Variants in AKAP7 observed in about 807,000 individuals in gnomAD.
AKAP7 encodes A kinase (PRKA) anchor protein 7.
AKAP7 carries 39 observed loss-of-function variants against 39.5 expected under a neutral mutation model. The ratio of observed to expected loss-of-function variants is 0.99; its 90% CI spans 0.76 to 1.29. The LOEUF (loss-of-function observed/expected upper bound fraction) is 1.29. Among genes scored for constraint, AKAP7 ranks in the 50% most tolerant of loss-of-function variants. The pLI, the probability that AKAP7 is intolerant of heterozygous loss-of-function variation, is 0.00. For missense variants in AKAP7, 414 were observed against 407.7 expected (o/e 1.02, Z -0.13); for synonymous variants, 140 against 139.1 (o/e 1.01, Z -0.05).
At chr6:131,240,289 C>T (rs1289120904) in intron 7 of AKAP7, among the ~76,000 whole-genome samples, 8 of 152,172 alleles carry the variant, frequency 5.3e-5, no homozygotes, top group Admixed American at 1.3e-4. Flanking sequence ...GAGGAGTACC[C>T]GGCCGTGTGA....
intron 1 of AKAP7, among the ~76,000 whole-genome samples, chr6:131,138,588 C>A (rs1800771932): frequency 2.6e-5 from 4 of 152,160 alleles, no homozygotes; most frequent in Non-Finnish European, 5.9e-5. Context: ...GAAAGGATTG[C>A]CTCCGTTTAC....
At chr6:131,200,082 T>G (rs1265254187) in intron 6 of AKAP7, 1 of 159,764 alleles carries the variant, frequency 6.3e-6, no homozygotes, top group Non-Finnish European at 1.4e-5. Flanking sequence ...GGACTGGGCA[T>G]GAGGGTAACT....
At chr6:131,222,398 G>T (rs1205806416) in intron 7 of AKAP7, among the ~76,000 whole-genome samples, 2 of 152,014 alleles carry the variant, frequency 1.3e-5, no homozygotes, top group Non-Finnish European at 2.9e-5. Context: ...GTGGTGGCGG[G>T]CGCCTGTAGT....
intron 6 of AKAP7, 68 bp from the exon 7 acceptor site, chr6:131,219,593 G>C (rs1205711982): frequency 7.1e-7 from 1 of 1,404,898 alleles, no homozygotes; most frequent in African/African-American, 1.5e-5. Context: ...TTCAAAGAAA[G>C]TGATGTAGTT....
chr6:131,231,420 A>T (rs1421291643), intron 7 of AKAP7, among the ~76,000 whole-genome samples: 1 of 152,036 alleles, frequency 6.6e-6, no homozygotes, highest in Admixed American at 6.6e-5. Flanking sequence ...TTTCATCTCT[A>T]CTTAGACCGA....
At chr6:131,268,960 A>G (rs1814044151) in intron 7 of AKAP7, among the ~76,000 whole-genome samples, 1 of 152,220 alleles carries the variant, frequency 6.6e-6, no homozygotes, top group Admixed American at 6.5e-5. Flanking sequence ...GACATGTTTG[A>G]AACTATATTT....
chr6:131,161,588 T>C (rs1369148219), intron 3 of AKAP7, among the ~76,000 whole-genome samples: 1 of 128,282 alleles, frequency 7.8e-6, no homozygotes, highest in Non-Finnish European at 1.5e-5. Context: ...GAGGTTGCAG[T>C]GAGCCAAGGT....
intron 4 of AKAP7, 43 bp downstream of exon 4, chr6:131,165,260 A>G: frequency 6.8e-7 from 1 of 1,468,066 alleles, no homozygotes; most frequent in Non-Finnish European, 9.4e-7. Context: ...CCAAATTATT[A>G]CTTTAATATG....
rs150573204 is a variant in AKAP7 at position 131,253,351 on chromosome 6, T to C, written c.851-28179T>C. On this transcript the variant is annotated intron_variant, in intron 7 of 7. Transcript: ENST00000431975. ...AATTTGAATTGATACATAATCGTTG[T>C]ACATATTTATGGGGCATGTGATATT... Among the ~76,000 whole-genome samples, 1,106 of 152,296 alleles carry C rather than the reference T, an allele frequency of 7.3e-3. 9 individuals are homozygous for C. Among genetic ancestry groups the C allele is most frequent in the African/African-American group, 0.026 (1,064 of 41,560 alleles).
chr6:131,188,568 C>T (rs2128268333), intron 5 of AKAP7, among the ~76,000 whole-genome samples: 1 of 152,222 alleles, frequency 6.6e-6, no homozygotes, highest in East Asian at 1.9e-4. Context: ...GACCGTGTAT[C>T]ACTCTGTCAC....
chr6:131,274,276 C>T (rs1814560188), intron 7 of AKAP7, among the ~76,000 whole-genome samples: 1 of 152,084 alleles, frequency 6.6e-6, no homozygotes, highest in African/African-American at 2.4e-5. Flanking sequence ...CTTTGAGTTT[C>T]TCGATTTGAG....
intron 3 of AKAP7, among the ~76,000 whole-genome samples, chr6:131,161,260 A>G (rs1404759080): frequency 1.3e-5 from 2 of 152,192 alleles, no homozygotes; most frequent in South Asian, 2.1e-4. Flanking sequence ...TTACCTAGCC[A>G]TATAAGATTT....
the AKAP7 span, among the ~76,000 whole-genome samples, chr6:131,126,912 CTGGG>C: frequency 2.0e-5 from 3 of 152,110 alleles, no homozygotes; most frequent in Non-Finnish European, 4.4e-5. Context: ...AAATAATTCA[CTGGG>C]ACTTAGTACA....
At chr6:131,270,942 T>G (rs1219573298) in intron 7 of AKAP7, among the ~76,000 whole-genome samples, 2 of 152,228 alleles carry the variant, frequency 1.3e-5, no homozygotes, top group African/African-American at 2.4e-5. Flanking sequence ...TGTTAAGTAG[T>G]AAGAGTTCTT....
intron 7 of AKAP7, among the ~76,000 whole-genome samples, chr6:131,271,934 T>C (rs1814321343): frequency 6.6e-6 from 1 of 152,178 alleles, no homozygotes; most frequent in African/African-American, 2.4e-5. Flanking sequence ...AAATTACATA[T>C]AGTTCCAGTG....
At chr6:131,147,876 T>C (rs917521364) in intron 2 of AKAP7, among the ~76,000 whole-genome samples, 4 of 152,320 alleles carry the variant, frequency 2.6e-5, no homozygotes, top group Middle Eastern at 3.4e-3. Context: ...AGCTTACATA[T>C]ATCTAATGTA....
intron 7 of AKAP7, among the ~76,000 whole-genome samples, chr6:131,223,304 C>T (rs1221951483): frequency 6.6e-6 from 1 of 152,148 alleles, no homozygotes; most frequent in Non-Finnish European, 1.5e-5. Context: ...TCCAAATCAG[C>T]TGGAAGAACA....
At chr6:131,259,169 A>G (rs1813106496) in intron 7 of AKAP7, among the ~76,000 whole-genome samples, 1 of 152,230 alleles carries the variant, frequency 6.6e-6, no homozygotes, top group Admixed American at 6.5e-5. Flanking sequence ...AATATAATTC[A>G]CACTTTCTAA....
Position 131,169,192 on chromosome 6 carries a change from G to C in AKAP7, c.508G>C (p.Gly170Arg). ...AAAACATTTGACTTTGCCCTTTCAA[G>C]GGATTGGTACTTTTGGAAATCAGGT... Reference protein sequence around the residue: ...QGKHLTLPFQGIGTFGNQVGF... With the variant: ...QGKHLTLPFQRIGTFGNQVGF... The change falls in exon 5 of 8, where the codon GGG (glycine) becomes CGG (arginine). Residue 170 changes from glycine to arginine, a missense_variant. By Grantham distance (125) the Gly-to-Arg change is moderately radical. Coordinates refer to ENST00000431975, the MANE Select transcript of AKAP7 (RefSeq NM_016377.4). 6.2e-7 allele frequency: 1 copy of C among 1,614,088 alleles called. No homozygotes were observed. Among genetic ancestry groups the C allele is most frequent in the East Asian group, 2.2e-5 (1 of 44,860 alleles).
Sources: allele counts gnomAD v4.1 joint callset (sites outside exome capture counted in the v4.1 genomes callset), GRCh38; gene constraint gnomAD v4.1.1; transcripts MANE v1.5; gene names NCBI Gene and HGNC (gene_info 2026-07-23, HGNC 2026-07-21).